Variants in CCSER1 observed in about 807,000 individuals in gnomAD.
CCSER1 encodes the protein coiled-coil serine rich protein 1.
CCSER1 carries 41 observed loss-of-function variants against 82.0 expected under a neutral mutation model. That is an observed-to-expected ratio of 0.50 (90% CI 0.39 to 0.65). The LOEUF is 0.65. Ranked by LOEUF, CCSER1 falls within the 30% of genes least tolerant of loss-of-function variation. The probability of loss-of-function intolerance (pLI) is 0.00; values close to 1 mark genes in which losing one functional copy is unlikely to be tolerated. For missense variants in CCSER1, 1,119 were observed against 1,064.2 expected, an observed-to-expected ratio of 1.05 and a Z score of -0.72; for synonymous variants, 414 against 383.9, an observed-to-expected ratio of 1.08 and a Z score of -0.92.
At chr4:90,248,691 G>A (rs1202285388) in intron 1 of CCSER1, among the ~76,000 whole-genome samples, 1 of 150,600 alleles carries the variant, frequency 6.6e-6, no homozygotes, top group Non-Finnish European at 1.5e-5. Flanking sequence ...TTTATGTGTA[G>A]AATTTTAGAT....
chr4:90,355,455 C>T (rs1053614949), intron 3 of CCSER1, among the ~76,000 whole-genome samples: 1 of 151,762 alleles, frequency 6.6e-6, no homozygotes, highest in Non-Finnish European at 1.5e-5. Flanking sequence ...TTTTGTAATC[C>T]TATAAAGGCT....
chr4:90,667,028 T>G (rs1731920895), intron 6 of CCSER1, among the ~76,000 whole-genome samples: 1 of 152,174 alleles, frequency 6.6e-6, no homozygotes, highest in Non-Finnish European at 1.5e-5. Context: ...GTCAAGTTGT[T>G]GAAAACTGCA....
At chr4:90,900,015 A>T (rs144510619) in intron 8 of CCSER1, among the ~76,000 whole-genome samples, 1,724 of 151,590 alleles carry the variant, frequency 0.011, 34 homozygotes, top group African/African-American at 0.038. Context: ...TAATTTCAGT[A>T]AGATTGGTAC....
intron 10 of CCSER1, among the ~76,000 whole-genome samples, chr4:91,109,489 T>C (rs1352627984): frequency 6.9e-6 from 1 of 144,858 alleles, no homozygotes; most frequent in Non-Finnish European, 1.5e-5. Flanking sequence ...AGTCCTAAGT[T>C]AAAAAAAAAA....
chr4:91,125,692 T>TTATTTCTTGAAAATAGATA (rs1427376517), intron 10 of CCSER1, among the ~76,000 whole-genome samples: 1 of 151,696 alleles, frequency 6.6e-6, no homozygotes, highest in African/African-American at 2.4e-5. Context: ...TAGGCCTATT[T>TTATTTCTTGAAAATAGATA]TATTTCTTGA....
chr4:90,691,650 TAC>T (rs1436263396), intron 6 of CCSER1, among the ~76,000 whole-genome samples: 4 of 151,764 alleles, frequency 2.6e-5, no homozygotes, highest in Non-Finnish European at 5.9e-5. Context: ...CATGTATATA[TAC>T]ACACATGCAT....
chr4:91,094,355 C>T (rs570143508), intron 10 of CCSER1, among the ~76,000 whole-genome samples: 86 of 152,272 alleles, frequency 5.6e-4, no homozygotes, highest in African/African-American at 1.8e-3. Flanking sequence ...TAGTCTGATG[C>T]TAAAGAAGGC....
chr4:90,244,116 A>C (rs1445352700), intron 1 of CCSER1, among the ~76,000 whole-genome samples: 1 of 152,166 alleles, frequency 6.6e-6, no homozygotes, highest in East Asian at 1.9e-4. Context: ...AGTTTCTTAA[A>C]GATTGTATTA....
At chr4:90,842,108 G>A (rs1361268251) in intron 8 of CCSER1, among the ~76,000 whole-genome samples, 2 of 151,684 alleles carry the variant, frequency 1.3e-5, no homozygotes, top group Non-Finnish European at 2.9e-5. Context: ...CATTAGCCTT[G>A]ACTGGACTAA....
At chr4:90,276,186 T>TTTTCTTTCTTTCTTTCTTTC (rs1158531206) in intron 1 of CCSER1, among the ~76,000 whole-genome samples, 12 of 113,318 alleles carry the variant, frequency 1.1e-4, no homozygotes, top group African/African-American at 1.7e-4. Flanking sequence ...TTGAACACTG[T>TTTTCTTTCTTTCTTTCTTTC]TTTCTTTCTT....
At chr4:91,517,749 T>C (rs970414222) in intron 10 of CCSER1, among the ~76,000 whole-genome samples, 15 of 88,614 alleles carry the variant, frequency 1.7e-4, no homozygotes, top group Non-Finnish European at 5.0e-5. Flanking sequence ...CTTTCTCGTG[T>C]GTGTGTGTGT....
At chr4:90,894,222 T>C (rs962426530) in intron 8 of CCSER1, among the ~76,000 whole-genome samples, 9 of 152,182 alleles carry the variant, frequency 5.9e-5, no homozygotes, top group African/African-American at 1.9e-4. Flanking sequence ...TATTCTGTTA[T>C]GAATACAATT....
At chr4:90,226,398 G>A (rs769389042) in intron 1 of CCSER1, among the ~76,000 whole-genome samples, 3 of 152,082 alleles carry the variant, frequency 2.0e-5, no homozygotes, top group Non-Finnish European at 4.4e-5. Flanking sequence ...ACCTATGCCC[G>A]TCCCAAGATA....
At chr4:90,597,638 G>A (rs1384911597) in intron 5 of CCSER1, among the ~76,000 whole-genome samples, 1 of 152,000 alleles carries the variant, frequency 6.6e-6, no homozygotes, top group Non-Finnish European at 1.5e-5. Context: ...TACAGTATCT[G>A]TCATCTGGTA....
intron 3 of CCSER1, 117 bp from the exon 4 acceptor site, chr4:90,399,919 G>T: frequency 1.8e-6 from 1 of 544,200 alleles, no homozygotes; most frequent in Non-Finnish European, 3.3e-6. Context: ...CTGAGACTCA[G>T]TTAAAACTTT....
intron 10 of CCSER1, among the ~76,000 whole-genome samples, chr4:91,563,286 G>A (rs1001631706): frequency 6.6e-6 from 1 of 151,518 alleles, no homozygotes; most frequent in Admixed American, 6.6e-5. Flanking sequence ...AATATACTAG[G>A]TAACTGAATT....
chr4:91,108,245 T>C (rs1581571847), intron 10 of CCSER1: 1 of 152,338 alleles, frequency 6.6e-6, no homozygotes, highest in South Asian at 2.1e-4. Context: ...GTAAATCTCT[T>C]TTGTAAGCTA....
chr4:91,158,693 G>C (rs1053230201), intron 10 of CCSER1, among the ~76,000 whole-genome samples: 3 of 151,274 alleles, frequency 2.0e-5, no homozygotes, highest in Admixed American at 6.6e-5. Flanking sequence ...GCACATGCAC[G>C]CACACACACA....
intron 3 of CCSER1, among the ~76,000 whole-genome samples, chr4:90,358,342 T>A (rs1258560627): frequency 6.6e-6 from 1 of 152,122 alleles, no homozygotes; most frequent in Non-Finnish European, 1.5e-5. Flanking sequence ...CTCCACTGAC[T>A]TTTACATCCT....
Sources: allele counts gnomAD v4.1 joint callset (sites outside exome capture counted in the v4.1 genomes callset), GRCh38; gene constraint gnomAD v4.1.1; transcripts MANE v1.5; gene names NCBI Gene and HGNC (gene_info 2026-07-23, HGNC 2026-07-21).